The following CDH13 variants were observed in gnomAD, a reference collection of about 807,000 sequenced individuals.
CDH13 encodes the protein cadherin-13.
In CDH13, 24 loss-of-function variants were observed where a neutral mutation model predicts 63.8. That is an observed-to-expected ratio of 0.38 (90% CI 0.27 to 0.53). The LOEUF (loss-of-function observed/expected upper bound fraction) is 0.53, where lower values mean the gene tolerates loss of function less well. Among genes scored for constraint, CDH13 ranks in the 20% least tolerant of loss-of-function variants. The pLI, the probability that CDH13 is intolerant of heterozygous loss-of-function variation, is 0.85. For synonymous variants in CDH13, 503 were observed against 355.3 expected (o/e 1.42, Z -4.67); for missense variants, 1,049 against 903.1 (o/e 1.16, Z -2.07).
At chr16:83,166,023 G>A (rs2037649317) in intron 4 of CDH13, among the ~76,000 whole-genome samples, 1 of 152,110 alleles carries the variant, frequency 6.6e-6, no homozygotes, top group Non-Finnish European at 1.5e-5. Flanking sequence ...TGAAAGTGGA[G>A]ATGTGCATTG....
intron 8 of CDH13, among the ~76,000 whole-genome samples, chr16:83,620,623 C>T (rs1224492070): frequency 6.6e-6 from 1 of 152,096 alleles, no homozygotes; most frequent in Non-Finnish European, 1.5e-5. Flanking sequence ...TTAGGAAGCC[C>T]TTCCACACGC....
rs2035321689 is a variant in CDH13 at position 83,116,815 on chromosome 16, G to A, written c.367-8570G>A. ...TACTTTTAAAATACTGCAGGCGAGA[G>A]GGGCTCCAGCCAGAGAAATTGACTC... On this transcript the variant is annotated intron_variant, in intron 3 of 13. Coordinates refer to ENST00000567109, the MANE Select transcript of CDH13 (RefSeq NM_001257.5). 2.0e-5 allele frequency among the ~76,000 whole-genome samples: 3 copies of A among 152,266 alleles called. No individual in the cohort carries two copies. In the East Asian group the frequency reaches 5.8e-4, roughly 29 times the overall value.
intron 1 of CDH13, among the ~76,000 whole-genome samples, chr16:82,772,545 G>A (rs980705554): frequency 2.1e-4 from 32 of 152,292 alleles, no homozygotes; most frequent in African/African-American, 7.2e-4. Context: ...TATGAGACAT[G>A]CTACGCAGAA....
intron 6 of CDH13, among the ~76,000 whole-genome samples, chr16:83,418,281 A>C (rs866805932): frequency 1.3e-5 from 2 of 152,356 alleles, no homozygotes; most frequent in Middle Eastern, 3.4e-3. Context: ...TTAGCTCAGC[A>C]GCTGGCACTT....
intron 2 of CDH13, among the ~76,000 whole-genome samples, chr16:82,967,648 G>A (rs547375888): frequency 2.7e-5 from 4 of 149,552 alleles, no homozygotes; most frequent in East Asian, 4.2e-4. Context: ...AAGCCAGGTC[G>A]GAGAACAGAG....
chr16:83,390,788 A>G (rs1000063294), intron 6 of CDH13, among the ~76,000 whole-genome samples: 2 of 152,182 alleles, frequency 1.3e-5, no homozygotes, highest in Non-Finnish European at 2.9e-5. Context: ...TTAATTAAAT[A>G]AAAATATTTA....
chr16:83,407,875 C>A (rs1183636826), intron 6 of CDH13, among the ~76,000 whole-genome samples: 1 of 152,156 alleles, frequency 6.6e-6, no homozygotes. Flanking sequence ...AAATGTATAA[C>A]TGAGTATGCA....
intron 7 of CDH13, among the ~76,000 whole-genome samples, chr16:83,505,336 A>G (rs1404216574): frequency 6.6e-6 from 1 of 152,102 alleles, no homozygotes; most frequent in Non-Finnish European, 1.5e-5. Context: ...CAACACTAGG[A>G]CTCAGAAGTG....
intron 1 of CDH13, among the ~76,000 whole-genome samples, chr16:82,634,288 A>G (rs898093451): frequency 6.6e-6 from 1 of 152,198 alleles, no homozygotes; most frequent in Admixed American, 6.5e-5. Context: ...CTTTCCCTCA[A>G]GGTGTCAGGG....
chr16:83,221,629 C>A (rs1597544790), intron 5 of CDH13, among the ~76,000 whole-genome samples: 1 of 141,380 alleles, frequency 7.1e-6, no homozygotes, highest in South Asian at 2.3e-4. Flanking sequence ...AGTGGGAGAC[C>A]ATCTGTTAGG....
At chr16:83,381,176 T>C (rs985844154) in intron 6 of CDH13, among the ~76,000 whole-genome samples, 4 of 152,192 alleles carry the variant, frequency 2.6e-5, no homozygotes, top group Non-Finnish European at 5.9e-5. Context: ...TTGCTTGCTT[T>C]TTTCACATTT....
At chr16:83,171,395 C>A (rs1597460138) in intron 4 of CDH13, 3 of 790,522 alleles carry the variant, frequency 3.8e-6, no homozygotes, top group Non-Finnish European at 6.2e-6. Context: ...CCACCTCCAA[C>A]ATGGGGGATT....
intron 1 of CDH13, among the ~76,000 whole-genome samples, chr16:82,759,056 G>A: frequency 6.6e-6 from 1 of 152,160 alleles, no homozygotes; most frequent in South Asian, 2.1e-4. Flanking sequence ...TTATTAAGCA[G>A]CAAGCAAGTC....
rs868719536 is a variant in CDH13, at chr16:83,679,913, G to A, written c.1538+1452G>A. On this transcript the variant is annotated intron_variant, in intron 10 of 13. Coordinates refer to ENST00000567109, the MANE Select transcript of CDH13 (RefSeq NM_001257.5). The stretch of plus-strand genomic sequence containing the variant: ...TTGGGATGCTGCCAGTCATGAAAGA[G>A]CTAATGCAATGGGTAGGGGTGGATG... Among the ~76,000 whole-genome samples the A allele has an allele frequency of 5.3e-5, 8 of 152,180 alleles. No individual in the cohort carries two copies. The South Asian group carries it at 1.7e-3, about 32-fold the overall frequency.
At chr16:83,651,680 C>G (rs555373693) in intron 8 of CDH13, among the ~76,000 whole-genome samples, 2 of 141,802 alleles carry the variant, frequency 1.4e-5, no homozygotes, top group Non-Finnish European at 3.0e-5. Flanking sequence ...ACTACAACCT[C>G]TGCCTCCCAG....
rs66626032 is a variant in CDH13, at chr16:83,311,327, TAA to T, written c.637-33524_637-33523del. On this transcript the variant is annotated intron_variant, in intron 5 of 13. Transcript: ENST00000567109. Reference sequence around the variant, plus strand: ...GGCTGCTTTGCAGCAAGGAGATTGTTAAAAAAAAAAAATTAAAAAGTAAAAGT... The same window carrying T: ...GGCTGCTTTGCAGCAAGGAGATTGTTAAAAAAAAAATTAAAAAGTAAAAGT... Among the ~76,000 whole-genome samples the T allele has an allele frequency of 4.3e-4, 64 of 150,036 alleles. No homozygotes were observed. In the East Asian group the frequency reaches 9.2e-3, roughly 22 times the overall value.
chr16:83,330,287 C>T (rs1182705622), intron 5 of CDH13, among the ~76,000 whole-genome samples: 2 of 152,288 alleles, frequency 1.3e-5, no homozygotes, highest in African/African-American at 4.8e-5. Context: ...TGCCAATATC[C>T]TGCTTGTGAT....
intron 7 of CDH13, among the ~76,000 whole-genome samples, chr16:83,579,492 C>T (rs890538775): frequency 3.9e-5 from 6 of 152,018 alleles, no homozygotes; most frequent in South Asian, 2.1e-4. Flanking sequence ...AAGGGGGAGG[C>T]ACTACACACT....
At chr16:82,781,252 G>A (rs534004850) in intron 1 of CDH13, among the ~76,000 whole-genome samples, 2 of 152,258 alleles carry the variant, frequency 1.3e-5, no homozygotes, top group Admixed American at 6.5e-5. Context: ...ATACCAATTG[G>A]CCTATAGCTT....
Sources: allele counts gnomAD v4.1 joint callset (sites outside exome capture counted in the v4.1 genomes callset), GRCh38; gene constraint gnomAD v4.1.1; transcripts MANE v1.5; gene names NCBI Gene and HGNC (gene_info 2026-07-23, HGNC 2026-07-21).